Variants in EPHA3 observed in about 807,000 individuals in gnomAD.
EPHA3 encodes the protein ephrin type-A receptor 3.
A neutral mutation model predicts 107.1 loss-of-function variants in EPHA3; 42 were observed. The observed-to-expected ratio is 0.39, with a 90% CI of 0.31 to 0.51. The LOEUF (loss-of-function observed/expected upper bound fraction) is 0.51, where lower values mean the gene tolerates loss of function less well. EPHA3 is among the 20% of genes least tolerant of loss of function. The pLI, the probability that EPHA3 is intolerant of heterozygous loss-of-function variation, is 0.78. For synonymous variants in EPHA3, 461 were observed against 424.8 expected (o/e 1.09, Z -1.05); for missense variants, 1,183 against 1,211.2 (o/e 0.98, Z 0.35).
chr3:89,127,325 G>T, intron 2 of EPHA3, 52 bp downstream of exon 2: 1 of 1,367,764 alleles, frequency 7.3e-7, no homozygotes, highest in Non-Finnish European at 1.0e-6. Context: ...ACCTGTCTTA[G>T]GGAGCAGATG....
chr3:89,219,689 T>TGTTTTTTTTTGTTTG (rs1265976438), intron 3 of EPHA3, among the ~76,000 whole-genome samples: 1 of 16,628 alleles, frequency 6.0e-5, no homozygotes, highest in Admixed American at 9.1e-4. Flanking sequence ...TTTGGCAATG[T>TGTTTTTTTTTGTTTG]TTTTTTTTTT....
At chr3:89,166,064 G>T (rs1417046955) in intron 2 of EPHA3, among the ~76,000 whole-genome samples, 1 of 152,120 alleles carries the variant, frequency 6.6e-6, no homozygotes, top group Non-Finnish European at 1.5e-5. Flanking sequence ...TAAAACCCCG[G>T]TGATCTAACT....
chr3:89,310,275 G>T (rs745722937), intron 3 of EPHA3, among the ~76,000 whole-genome samples: 2 of 151,912 alleles, frequency 1.3e-5, no homozygotes, highest in African/African-American at 2.4e-5. Context: ...ATAGGAAAAA[G>T]ATACAATATA....
intron 3 of EPHA3, among the ~76,000 whole-genome samples, chr3:89,323,614 G>A (rs1707093820): frequency 6.6e-6 from 1 of 152,036 alleles, no homozygotes; most frequent in African/African-American, 2.4e-5. Context: ...TTATATTGGA[G>A]TTCTTAAAAC....
At chr3:89,436,643 A>G (rs2107542313) in intron 13 of EPHA3, among the ~76,000 whole-genome samples, 1 of 152,342 alleles carries the variant, frequency 6.6e-6, no homozygotes, top group African/African-American at 2.4e-5. Context: ...TATAGAAATT[A>G]TATAATCTAA....
At chr3:89,113,514 G>T (rs1012444438) in intron 1 of EPHA3, among the ~76,000 whole-genome samples, 2 of 39,910 alleles carry the variant, frequency 5.0e-5, no homozygotes, top group East Asian at 7.6e-4. Flanking sequence ...AAAAAAAAAA[G>T]AGGGGAGGGT....
At chr3:89,440,667 G>A (rs1434678559) in intron 13 of EPHA3, among the ~76,000 whole-genome samples, 2 of 152,200 alleles carry the variant, frequency 1.3e-5, no homozygotes, top group Admixed American at 1.3e-4. Context: ...GGGTTACCGT[G>A]TGATTCCTCA....
chr3:89,164,005 A>G (rs1288086263), intron 2 of EPHA3, among the ~76,000 whole-genome samples: 1 of 152,192 alleles, frequency 6.6e-6, no homozygotes, highest in East Asian at 1.9e-4. Flanking sequence ...CCAGAGTACC[A>G]AATAATATTA....
At chr3:89,236,817 C>G (rs905176921) in intron 3 of EPHA3, among the ~76,000 whole-genome samples, 1 of 151,894 alleles carries the variant, frequency 6.6e-6, no homozygotes, top group Non-Finnish European at 1.5e-5. Context: ...TTTTTTATAT[C>G]TAAAAGCAAA....
At chr3:89,312,709 A>AT (rs768396228) in intron 3 of EPHA3, among the ~76,000 whole-genome samples, 1 of 151,742 alleles carries the variant, frequency 6.6e-6, no homozygotes, top group African/African-American at 2.4e-5. Flanking sequence ...TCCATTAGTT[A>AT]TTTTTTCTGA....
intron 10 of EPHA3, among the ~76,000 whole-genome samples, chr3:89,417,077 T>G (rs1709263700): frequency 6.6e-6 from 1 of 151,470 alleles, no homozygotes; most frequent in South Asian, 2.1e-4. Flanking sequence ...CTCAGAGAGA[T>G]AAATAGTGAC....
intron 13 of EPHA3, among the ~76,000 whole-genome samples, chr3:89,431,928 T>A (rs527811666): frequency 6.6e-6 from 1 of 152,288 alleles, no homozygotes; most frequent in Admixed American, 6.5e-5. Flanking sequence ...ATACAATTAT[T>A]CATAATACAA....
Position 89,352,881 on chromosome 3 carries a change from C to T in EPHA3, c.1306+10791C>T, listed in dbSNP as rs139387477. ...TGGCACCATTGCACTCCAGCCTGGGCGACAGAGCAAGACTCTGTCTCAAAA... is the reference window on the plus strand; with the variant it reads ...TGGCACCATTGCACTCCAGCCTGGGTGACAGAGCAAGACTCTGTCTCAAAA... On this transcript the variant is annotated intron_variant, in intron 5 of 16. Transcript: ENST00000336596. Among the ~76,000 whole-genome samples, 456 of 116,958 alleles carry T rather than the reference C, an allele frequency of 3.9e-3. 19 individuals are homozygous for T. Among genetic ancestry groups the T allele is most frequent in the Middle Eastern group, 0.014 (2 of 138 alleles). 76.7% of individuals were successfully genotyped at this position (116,958 alleles called of 152,430 possible).
chr3:89,249,250 G>A (rs1334578795), intron 3 of EPHA3, among the ~76,000 whole-genome samples: 1 of 152,104 alleles, frequency 6.6e-6, no homozygotes, highest in Non-Finnish European at 1.5e-5. Flanking sequence ...TATTTTATAA[G>A]AGCACATGGG....
At chr3:89,447,327 C>T (rs927201412) in intron 13 of EPHA3, among the ~76,000 whole-genome samples, 1 of 152,140 alleles carries the variant, frequency 6.6e-6, no homozygotes, top group Non-Finnish European at 1.5e-5. Context: ...TGTGTCTTTG[C>T]AGGCTTATTC....
intron 6 of EPHA3, 22 bp from the exon 7 acceptor site, chr3:89,399,296 A>ATTTTTTT: frequency 6.4e-7 from 1 of 1,570,278 alleles, no homozygotes; most frequent in Non-Finnish European, 8.7e-7. Context: ...TTTAACATGA[A>ATTTTTTT]TTTTTTTTTC....
At chr3:89,276,278 A>G (rs1705803484) in intron 3 of EPHA3, among the ~76,000 whole-genome samples, 1 of 152,090 alleles carries the variant, frequency 6.6e-6, no homozygotes, top group African/African-American at 2.4e-5. Flanking sequence ...ACTTTCTCTT[A>G]ATCCCCTTCC....
chr3:89,209,374 C>CATG (rs1399243263), intron 2 of EPHA3, among the ~76,000 whole-genome samples: 1 of 151,944 alleles, frequency 6.6e-6, no homozygotes, highest in Non-Finnish European at 1.5e-5. Context: ...AAATGTCATG[C>CATG]ATGATGATAC....
At chr3:89,119,797 C>G (rs749958875) in intron 1 of EPHA3, among the ~76,000 whole-genome samples, 1 of 152,038 alleles carries the variant, frequency 6.6e-6, no homozygotes, top group Non-Finnish European at 1.5e-5. Context: ...GCCAAAATGT[C>G]CAGAGGATGT....
Sources: gnomAD v4.1 joint callset for allele counts (sites outside exome capture counted in the v4.1 genomes callset) on GRCh38, gnomAD v4.1.1 for gene constraint, MANE v1.5 for transcripts, NCBI Gene and HGNC (gene_info 2026-07-23, HGNC 2026-07-21) for gene names.